ERO1B: variants seen among roughly 807,000 people sequenced by gnomAD.
The protein encoded by ERO1B is ERO1-like protein beta.
In ERO1B, 49 loss-of-function variants were observed where a neutral mutation model predicts 75.3. The observed-to-expected ratio is 0.65, with a 90% CI of 0.52 to 0.83. The LOEUF (loss-of-function observed/expected upper bound fraction) is 0.83, where lower values mean the gene tolerates loss of function less well. Among genes scored for constraint, ERO1B ranks in the 40% least tolerant of loss-of-function variants. The pLI, the probability that ERO1B is intolerant of heterozygous loss-of-function variation, is 0.00. For synonymous variants in ERO1B, 191 were observed against 192.9 expected (o/e 0.99, Z 0.08); for missense variants, 512 against 560.1 (o/e 0.91, Z 0.87).
intron 1 of ERO1B, 88 bp from the exon 2 acceptor site, chr1:236,270,082 A>G (rs964869904): frequency 9.1e-6 from 9 of 990,846 alleles, no homozygotes; most frequent in Non-Finnish European, 1.3e-5. Context: ...TAATTTATTC[A>G]TTCAAGTTAG....
chr1:236,274,792 C>T (rs1483774277), intron 1 of ERO1B, among the ~76,000 whole-genome samples: 1 of 151,510 alleles, frequency 6.6e-6, no homozygotes, highest in African/African-American at 2.4e-5. Flanking sequence ...AGTTTACATT[C>T]TCATAGGGAA....
intron 6 of ERO1B, among the ~76,000 whole-genome samples, chr1:236,238,037 T>C (rs566913659): frequency 6.6e-6 from 1 of 152,210 alleles, no homozygotes; most frequent in East Asian, 1.9e-4. Flanking sequence ...GACGGGGTTA[T>C]GCCATCTTAG....
intron 5 of ERO1B, among the ~76,000 whole-genome samples, chr1:236,246,243 T>C (rs905123030): frequency 1.1e-4 from 16 of 152,150 alleles, no homozygotes; most frequent in African/African-American, 3.4e-4. Flanking sequence ...TCATAGCTCA[T>C]TGCAGTCTCA....
chr1:236,263,955 T>C (rs1665355416), intron 2 of ERO1B, among the ~76,000 whole-genome samples: 1 of 151,880 alleles, frequency 6.6e-6, no homozygotes, highest in South Asian at 2.1e-4. Context: ...GTTTCCTTTC[T>C]GTTATAACTT....
chr1:236,269,773 A>C (rs1204164763), intron 2 of ERO1B, 102 bp downstream of exon 2: 1 of 848,584 alleles, frequency 1.2e-6, no homozygotes, highest in East Asian at 2.5e-5. Flanking sequence ...GATGAAAGAT[A>C]TACACAAGGT....
chr1:236,258,149 C>CAAAAAAAAAAAAAAAAAAAAAAAAAAAA, intron 2 of ERO1B, among the ~76,000 whole-genome samples: 1 of 96,572 alleles, frequency 1.0e-5, no homozygotes, highest in Non-Finnish European at 1.9e-5. Flanking sequence ...AAAAACAAAG[C>CAAAAAAAAAAAAAAAAAAAAAAAAAAAA]AAAAAAAAAA....
chr1:236,247,753 C>A (rs1296304111), intron 5 of ERO1B, among the ~76,000 whole-genome samples: 1 of 152,156 alleles, frequency 6.6e-6, no homozygotes, highest in East Asian at 1.9e-4. Flanking sequence ...GCTACTTTGC[C>A]CTTGATGACT....
At chr1:236,262,343 T>A (rs1206553763) in intron 2 of ERO1B, among the ~76,000 whole-genome samples, 1 of 152,176 alleles carries the variant, frequency 6.6e-6, no homozygotes, top group Non-Finnish European at 1.5e-5. Flanking sequence ...TCCCCAGGTA[T>A]CCACATTGCT....
chr1:236,275,752 C>T (rs148188907), intron 1 of ERO1B, among the ~76,000 whole-genome samples: 144 of 152,254 alleles, frequency 9.5e-4, no homozygotes, highest in African/African-American at 3.2e-3. Flanking sequence ...GAAAGGGGCT[C>T]ATTATGAGTA....
Position 236,221,962 on chromosome 1 carries a change from C to T in ERO1B, c.1171G>A (p.Val391Ile), listed in dbSNP as rs1558504662. The T allele has an allele frequency of 6.2e-7, 1 of 1,613,798 alleles. No homozygotes were observed. Among genetic ancestry groups the T allele is most frequent in the Non-Finnish European group, 8.5e-7 (1 of 1,179,798 alleles). Residue 391 changes from valine (V) to isoleucine (I), a missense_variant, in exon 14 of 16, where the codon GTT becomes ATT. Physicochemically the swap from Val to Ile is conservative, Grantham distance 29. Transcript: ENST00000354619. Reference sequence around the variant, plus strand: ...CATAATCTGCATTTGTCACATCCAACACAGTCCATTATACGGGAGATATTC... The same window carrying T: ...CATAATCTGCATTTGTCACATCCAATACAGTCCATTATACGGGAGATATTC... ...FKNISRIMDC[V>I]GCDKCRLWGK...
chr1:236,241,672 T>C (rs185021432), intron 6 of ERO1B, among the ~76,000 whole-genome samples: 6 of 151,744 alleles, frequency 4.0e-5, no homozygotes, highest in Admixed American at 2.6e-4. Flanking sequence ...ATAAAAATAA[T>C]TGATTTTAAA....
chr1:236,260,153 C>T (rs928837050), intron 2 of ERO1B, among the ~76,000 whole-genome samples: 4 of 151,706 alleles, frequency 2.6e-5, no homozygotes, highest in African/African-American at 4.8e-5. Flanking sequence ...AAGATGCCAA[C>T]AAAATCAGAA....
Position 236,236,418 on chromosome 1 carries a change from TAA to T in ERO1B, c.506-22_506-21del. ...TCTCATCTGAACAAGAAAAAATTCA[TAA>T]AAACCATCCATATTTCACCATTTAT... On this transcript the variant is annotated intron_variant, in intron 6 of 15. Transcript: ENST00000354619. 1 of 1,612,182 alleles carries T rather than the reference TAA, an allele frequency of 6.2e-7. No individual in the cohort carries two copies. Among genetic ancestry groups the T allele is most frequent in the Middle Eastern group, 1.7e-4 (1 of 6,040 alleles).
chr1:236,259,003 A>G (rs1665232401), intron 2 of ERO1B, among the ~76,000 whole-genome samples: 1 of 152,240 alleles, frequency 6.6e-6, no homozygotes. Flanking sequence ...TATATATCTA[A>G]TAGGAAAGTT....
At chr1:236,241,168 T>C (rs1305002453) in intron 6 of ERO1B, among the ~76,000 whole-genome samples, 1 of 152,190 alleles carries the variant, frequency 6.6e-6, no homozygotes, top group Admixed American at 6.5e-5. Flanking sequence ...GAATATTCTT[T>C]ATATTTTTGT....
chr1:236,235,240 C>T (rs1664511799), intron 8 of ERO1B, among the ~76,000 whole-genome samples: 1 of 152,110 alleles, frequency 6.6e-6, no homozygotes, highest in Admixed American at 6.5e-5. Flanking sequence ...TGAGTCGGCA[C>T]CTGAGGCAGC....
chr1:236,241,321 A>T (rs908963066), intron 6 of ERO1B, among the ~76,000 whole-genome samples: 3 of 152,186 alleles, frequency 2.0e-5, no homozygotes, highest in Non-Finnish European at 4.4e-5. Flanking sequence ...AGGCAGACGG[A>T]TCACCTGAGG....
chr1:236,258,966 T>C (rs1665231675), intron 2 of ERO1B, among the ~76,000 whole-genome samples: 1 of 152,160 alleles, frequency 6.6e-6, no homozygotes, highest in Non-Finnish European at 1.5e-5. Context: ...AACACTATTA[T>C]ACTGTACTGG....
chr1:236,277,493 A>G (rs540375158), intron 1 of ERO1B, among the ~76,000 whole-genome samples: 1 of 152,228 alleles, frequency 6.6e-6, no homozygotes, highest in African/African-American at 2.4e-5. Context: ...GGAAAGAAAG[A>G]GAAGATTACT....
Sources: gnomAD v4.1 joint callset for allele counts (sites outside exome capture counted in the v4.1 genomes callset) on GRCh38, gnomAD v4.1.1 for gene constraint, MANE v1.5 for transcripts, NCBI Gene and HGNC (gene_info 2026-07-23, HGNC 2026-07-21) for gene names.